Variants in MSRB3 observed in about 807,000 individuals in gnomAD.
The protein encoded by MSRB3 is methionine-R-sulfoxide reductase B3.
In MSRB3, 13 loss-of-function variants were observed where a neutral mutation model predicts 21.0. The ratio of observed to expected loss-of-function variants is 0.62; its 90% CI spans 0.40 to 0.98. MSRB3 has a LOEUF of 0.98. MSRB3 is among the 50% of genes least tolerant of loss of function. MSRB3 has a pLI of 0.00. For synonymous variants in MSRB3, 87 were observed against 88.6 expected, an observed-to-expected ratio of 0.98 and a Z score of 0.10; for missense variants, 199 against 230.3, an observed-to-expected ratio of 0.86 and a Z score of 0.88.
intron 1 of MSRB3, among the ~76,000 whole-genome samples, chr12:65,295,636 A>AT (rs1872922065): frequency 6.6e-6 from 1 of 152,090 alleles, no homozygotes; most frequent in African/African-American, 2.4e-5. Flanking sequence ...AGACTATTAT[A>AT]TAACATGTTA....
At chr12:65,284,852 A>G (rs895100884) in intron 1 of MSRB3, 2 of 152,168 alleles carry the variant, frequency 1.3e-5, no homozygotes, top group African/African-American at 2.4e-5. Flanking sequence ...TGGACAAAGG[A>G]TACTGCATCC....
chr12:65,327,012 A>C, intron 3 of MSRB3, 78 bp downstream of exon 3: 1 of 1,018,786 alleles, frequency 9.8e-7, no homozygotes, highest in Non-Finnish European at 1.5e-6. Context: ...TTTCCTTGCC[A>C]ATTAATTTAA....
rs190196507 is a variant in MSRB3 at position 65,411,535 on chromosome 12, T to G, written c.293-42193T>G. ...AAAAACTTGCAATAATCACCATATC[T>G]TTATGATCGTTAGATTAGCAAACGG... On this transcript the variant is annotated intron_variant, in intron 5 of 6. Transcript: ENST00000308259. 2.3e-3 allele frequency among the ~76,000 whole-genome samples: 343 copies of G among 152,266 alleles called. 8 individuals are homozygous for G. The highest frequency in any genetic ancestry group is 0.021 in the Admixed American group (322 of 15,278).
chr12:65,374,674 T>G (rs1878500084), intron 5 of MSRB3, among the ~76,000 whole-genome samples: 2 of 152,226 alleles, frequency 1.3e-5, no homozygotes, highest in Admixed American at 1.3e-4. Flanking sequence ...TTTCTAGCGT[T>G]TTCAATAAGG....
At chr12:65,304,523 GGTGGCTCACGCCTGTAATC>G (rs1413510526) in intron 1 of MSRB3, among the ~76,000 whole-genome samples, 1 of 152,170 alleles carries the variant, frequency 6.6e-6, no homozygotes, top group African/African-American at 2.4e-5. Flanking sequence ...GGTTGGGTAT[GGTGGCTCACGCCTGTAATC>G]CCAGCACTTT....
intron 6 of MSRB3, among the ~76,000 whole-genome samples, chr12:65,459,114 A>T (rs79723189): frequency 2.9e-3 from 176 of 59,854 alleles, no homozygotes; most frequent in African/African-American, 7.9e-3. Context: ...TTTTTGTAAT[A>T]TTTTTTTAAG....
chr12:65,286,667 A>C (rs1307915972), intron 1 of MSRB3: 3 of 151,772 alleles, frequency 2.0e-5, no homozygotes, highest in Admixed American at 6.6e-5. Context: ...CATATGTAAG[A>C]CTTAAGGCAT....
At chr12:65,308,777 G>A in intron 2 of MSRB3, 122 bp downstream of exon 2, 1 of 1,366,750 alleles carries the variant, frequency 7.3e-7, no homozygotes. Flanking sequence ...GCCCTAATTT[G>A]AAGACGGAAA....
At chr12:65,442,271 G>A (rs1339727266) in intron 5 of MSRB3, among the ~76,000 whole-genome samples, 2 of 151,930 alleles carry the variant, frequency 1.3e-5, no homozygotes, top group African/African-American at 4.8e-5. Flanking sequence ...CTGCCCCTCA[G>A]AAGTAATCTT....
chr12:65,361,929 C>T (rs979276408), intron 4 of MSRB3, among the ~76,000 whole-genome samples: 1 of 151,812 alleles, frequency 6.6e-6, no homozygotes, highest in Non-Finnish European at 1.5e-5. Context: ...AAAAATTAAC[C>T]GTAAAATTAA....
At chr12:65,431,493 TCGTTTGGTATAAA>T (rs1324726539) in intron 5 of MSRB3, among the ~76,000 whole-genome samples, 5 of 152,008 alleles carry the variant, frequency 3.3e-5, no homozygotes, top group Non-Finnish European at 5.9e-5. Context: ...TTTTCATCAC[TCGTTTGGTATAAA>T]GGAAAAGGGG....
At chr12:65,284,270 A>T (rs1872210384) in intron 1 of MSRB3, 1 of 152,238 alleles carries the variant, frequency 6.6e-6, no homozygotes, top group Admixed American at 6.5e-5. Context: ...TTAGATAATT[A>T]ATTAAATTGG....
At chr12:65,461,262 T>C (rs1296604849) in intron 6 of MSRB3, among the ~76,000 whole-genome samples, 1 of 152,214 alleles carries the variant, frequency 6.6e-6, no homozygotes, top group African/African-American at 2.4e-5. Flanking sequence ...CCTGTGTCCG[T>C]TGGGCAAGCA....
In MSRB3 at chr12:65,433,570, A is replaced by G. The variant is rs1046755150; in HGVS notation, c.293-20158A>G. The stretch of plus-strand genomic sequence containing the variant: ...TACACCATGGCCCACAGACCTGGGA[A>G]TTATCACTCTGGCCTTTCTGAATTT... On this transcript the variant is annotated intron_variant, in intron 5 of 6. Coordinates refer to ENST00000308259, the MANE Select transcript of MSRB3 (RefSeq NM_001031679.3). Among the ~76,000 whole-genome samples, 20 of 151,968 alleles carry G rather than the reference A, an allele frequency of 1.3e-4. 2 individuals carry two copies. In the Middle Eastern group the frequency reaches 0.01, roughly 78 times the overall value.
intron 5 of MSRB3, among the ~76,000 whole-genome samples, chr12:65,446,511 A>G: frequency 6.6e-6 from 1 of 152,338 alleles, no homozygotes; most frequent in East Asian, 1.9e-4. Context: ...TGAAGAGACT[A>G]AAGTCTGCAG....
chr12:65,434,599 C>G (rs1882035556), intron 5 of MSRB3, among the ~76,000 whole-genome samples: 1 of 151,754 alleles, frequency 6.6e-6, no homozygotes, highest in South Asian at 2.1e-4. Context: ...TGTAAAAATT[C>G]CAGTCCAGTG....
In MSRB3 at chr12:65,437,832, G is replaced by A. The variant is rs144767112; in HGVS notation, c.293-15896G>A. Among the ~76,000 whole-genome samples, 569 of 152,052 alleles carry A rather than the reference G, an allele frequency of 3.7e-3. 2 individuals carry two copies. Among genetic ancestry groups the A allele is most frequent in the Non-Finnish European group, 5.4e-3 (365 of 67,878 alleles). ...TCCATTCCTGATCAGTTGGATCTGA[G>A]AGATTTTTGCTAGAAGTTTTGCTAA... On this transcript the variant is annotated intron_variant, in intron 5 of 6. Transcript: ENST00000308259.
intron 5 of MSRB3, among the ~76,000 whole-genome samples, chr12:65,410,538 G>T (rs977011928): frequency 6.6e-6 from 1 of 152,126 alleles, no homozygotes; most frequent in African/African-American, 2.4e-5. Context: ...CAGCTACTTG[G>T]GGGGCTGAGG....
chr12:65,398,067 A>G (rs745802622), intron 5 of MSRB3, among the ~76,000 whole-genome samples: 7 of 152,220 alleles, frequency 4.6e-5, no homozygotes, highest in Admixed American at 6.5e-5. Context: ...TGCAATAAAC[A>G]TACGTGTACA....
Sources: allele counts gnomAD v4.1 joint callset (sites outside exome capture counted in the v4.1 genomes callset), GRCh38; gene constraint gnomAD v4.1.1; transcripts MANE v1.5; gene names NCBI Gene and HGNC (gene_info 2026-07-23, HGNC 2026-07-21).